The following NCALD variants were observed in gnomAD, a reference collection of about 807,000 sequenced individuals.
NCALD encodes the protein neurocalcin delta.
NCALD carries 10 observed loss-of-function variants against 18.6 expected under a neutral mutation model. The observed-to-expected ratio is 0.54, with a 90% CI of 0.33 to 0.91. The LOEUF (loss-of-function observed/expected upper bound fraction) is 0.91, where lower values mean the gene tolerates loss of function less well. Among genes scored for constraint, NCALD ranks in the 40% least tolerant of loss-of-function variants. The probability of loss-of-function intolerance (pLI) is 0.03; values close to 1 mark genes in which losing one functional copy is unlikely to be tolerated. For synonymous variants in NCALD, 88 were observed against 87.4 expected, an observed-to-expected ratio of 1.01 and a Z score of -0.04; for missense variants, 184 against 247.6, an observed-to-expected ratio of 0.74 and a Z score of 1.72.
intron 1 of NCALD, among the ~76,000 whole-genome samples, chr8:102,039,946 C>T (rs1048044687): frequency 1.2e-4 from 19 of 152,296 alleles, no homozygotes; most frequent in Non-Finnish European, 1.9e-4. Flanking sequence ...CAGCCTGAGA[C>T]TCTCACCAGA....
chr8:101,687,164 G>C lies in NCALD; in HGVS notation c.*2145C>G, dbSNP rs1285602034. Reference sequence around the variant, plus strand: ...GAACAGAGTGGGTCTGGCTCAGCGAGATGTCATGACTAAGGGCAGAGCCCA... The same window carrying C: ...GAACAGAGTGGGTCTGGCTCAGCGACATGTCATGACTAAGGGCAGAGCCCA... On this transcript the variant is annotated 3_prime_UTR_variant, in exon 4 of 4. Coordinates refer to ENST00000220931, the MANE Select transcript of NCALD (RefSeq NM_032041.3). 1 of 152,318 alleles carries C rather than the reference G, an allele frequency of 6.6e-6. No homozygotes were observed. The highest frequency in any genetic ancestry group is 2.4e-5 in the African/African-American group (1 of 41,442). The allele number at this position is 152,318 out of a possible 1,614,324, so 9.4% of individuals were successfully genotyped here. A position where few individuals can be genotyped will look rare whatever the true frequency, so the allele number is the denominator to read the frequency against.
intron 2 of NCALD, chr8:101,950,204 T>C (rs1032504890): frequency 1.3e-5 from 2 of 152,206 alleles, no homozygotes; most frequent in African/African-American, 4.8e-5. Context: ...ACAACAGTAA[T>C]GAAATTTTGG....
intron 1 of NCALD, among the ~76,000 whole-genome samples, chr8:101,747,470 CAGAT>C (rs1311850862): frequency 3.3e-5 from 5 of 152,128 alleles, no homozygotes; most frequent in Non-Finnish European, 4.4e-5. Flanking sequence ...GTGAGAAAGA[CAGAT>C]AGAAAAATCA....
intron 1 of NCALD, among the ~76,000 whole-genome samples, chr8:101,748,287 C>A (rs1230582971): frequency 1.3e-5 from 2 of 152,110 alleles, no homozygotes; most frequent in African/African-American, 4.8e-5. Context: ...AGATTTATGA[C>A]ACAAGTAAAA....
In NCALD at chr8:101,765,200, G is replaced by T. The variant is rs560707168; in HGVS notation, c.-20+25662C>A. 3.0e-4 allele frequency among the ~76,000 whole-genome samples: 46 copies of T among 152,310 alleles called. 1 individual carries two copies. The South Asian group carries it at 8.9e-3, about 30-fold the overall frequency. ...GAACTTACATCACATCCAAGGAGGG[G>T]AACGAACAGTAGCATGCAAATTCTA... On this transcript the variant is annotated intron_variant, in intron 1 of 3. Transcript: ENST00000220931.
chr8:102,092,187 G>T (rs193287718), intron 1 of NCALD, among the ~76,000 whole-genome samples: 3 of 152,256 alleles, frequency 2.0e-5, no homozygotes, highest in East Asian at 3.9e-4. Context: ...GCTACATTCC[G>T]ACCAGGGCCA....
intron 1 of NCALD, among the ~76,000 whole-genome samples, chr8:101,777,095 C>T (rs1250942743): frequency 2.0e-5 from 3 of 152,126 alleles, no homozygotes; most frequent in Non-Finnish European, 4.4e-5. Flanking sequence ...CCTGAAACAC[C>T]CTCCTCCAAA....
intron 1 of NCALD, among the ~76,000 whole-genome samples, chr8:102,101,135 G>A (rs1015830707): frequency 2.6e-5 from 4 of 152,180 alleles, no homozygotes; most frequent in Admixed American, 2.6e-4. Context: ...ATATGGGCAC[G>A]TGAAGCCAGT....
intron 4 of NCALD, among the ~76,000 whole-genome samples, chr8:101,862,438 C>T (rs948440598): frequency 6.6e-6 from 1 of 152,134 alleles, no homozygotes; most frequent in Non-Finnish European, 1.5e-5. Context: ...CATGAAGCCT[C>T]CTTAGTCTTA....
At chr8:102,087,126 A>G (rs1824762916) in intron 1 of NCALD, among the ~76,000 whole-genome samples, 2 of 152,176 alleles carry the variant, frequency 1.3e-5, no homozygotes, top group East Asian at 1.9e-4. Flanking sequence ...TTACTTTCCT[A>G]ATAAACTTGC....
chr8:101,871,003 T>C (rs1815994898), intron 4 of NCALD, among the ~76,000 whole-genome samples: 1 of 149,418 alleles, frequency 6.7e-6, no homozygotes, highest in Admixed American at 6.9e-5. Flanking sequence ...CTCTCAAGTC[T>C]GGAAAGAAAC....
At chr8:102,070,180 C>T (rs916217580) in intron 1 of NCALD, 6 of 151,770 alleles carry the variant, frequency 4.0e-5, no homozygotes, top group African/African-American at 1.5e-4. Context: ...AACAATTTTA[C>T]TATTTCTAGA....
At chr8:101,892,679 A>G (rs369426602) in intron 3 of NCALD, among the ~76,000 whole-genome samples, 11 of 150,122 alleles carry the variant, frequency 7.3e-5, no homozygotes, top group South Asian at 4.1e-4. Context: ...GGAGCTGATG[A>G]AGCTGAAAAC....
At chr8:101,851,807 T>C (rs80110572) in intron 4 of NCALD, among the ~76,000 whole-genome samples, 1,633 of 152,314 alleles carry the variant, frequency 0.011, 29 homozygotes, top group African/African-American at 0.037. Flanking sequence ...ATTGATTTTA[T>C]TGTACGGTAC....
intron 4 of NCALD, among the ~76,000 whole-genome samples, chr8:101,852,263 C>G (rs1438407743): frequency 6.6e-6 from 1 of 152,200 alleles, no homozygotes; most frequent in Non-Finnish European, 1.5e-5. Context: ...GGAGCTCCTC[C>G]TCTGATACAC....
At chr8:101,833,928 T>C (rs925302904) in intron 4 of NCALD, among the ~76,000 whole-genome samples, 3 of 152,226 alleles carry the variant, frequency 2.0e-5, no homozygotes, top group African/African-American at 7.2e-5. Flanking sequence ...AATGCTCAGC[T>C]TTCCCTGGTG....
intron 1 of NCALD, among the ~76,000 whole-genome samples, chr8:101,777,482 T>C (rs1811841261): frequency 6.6e-6 from 1 of 152,228 alleles, no homozygotes; most frequent in Non-Finnish European, 1.5e-5. Context: ...GTGGATCTGA[T>C]GAATGGAATT....
At chr8:101,714,530 T>C (rs1029701116) in intron 2 of NCALD, among the ~76,000 whole-genome samples, 4 of 152,090 alleles carry the variant, frequency 2.6e-5, no homozygotes, top group Admixed American at 2.6e-4. Context: ...ATGCTCATGG[T>C]AGGAAAAATC....
At chr8:102,062,697 T>C (rs990690022) in intron 1 of NCALD, among the ~76,000 whole-genome samples, 2 of 152,248 alleles carry the variant, frequency 1.3e-5, no homozygotes, top group Non-Finnish European at 2.9e-5. Flanking sequence ...TGGATTCAGA[T>C]AGGCTCTACA....
Sources: gnomAD v4.1 joint callset for allele counts (sites outside exome capture counted in the v4.1 genomes callset) on GRCh38, gnomAD v4.1.1 for gene constraint, MANE v1.5 for transcripts, NCBI Gene and HGNC (gene_info 2026-07-23, HGNC 2026-07-21) for gene names.